Variants in STK35 observed in about 807,000 individuals in gnomAD.
The protein encoded by STK35 is serine/threonine kinase 35.
A neutral mutation model predicts 37.3 loss-of-function variants in STK35; 17 were observed. The observed-to-expected ratio is 0.46, with a 90% CI of 0.31 to 0.68. The LOEUF (loss-of-function observed/expected upper bound fraction) is 0.68. STK35 is among the 30% of genes least tolerant of loss of function. The probability of loss-of-function intolerance (pLI) is 0.05; values close to 1 mark genes in which losing one functional copy is unlikely to be tolerated. For synonymous variants in STK35, 385 were observed against 319.1 expected, an observed-to-expected ratio of 1.21 and a Z score of -2.20; for missense variants, 595 against 746.7, an observed-to-expected ratio of 0.80 and a Z score of 2.37.
chr20:2,109,651 G>T (rs1458897472), intron 2 of STK35, among the ~76,000 whole-genome samples: 2 of 152,222 alleles, frequency 1.3e-5, no homozygotes, highest in African/African-American at 2.4e-5. Flanking sequence ...TTGGACAGCT[G>T]CCAGTGGTGT....
chr20:2,116,204 G>A (rs1335154803), intron 2 of STK35, among the ~76,000 whole-genome samples: 8 of 152,116 alleles, frequency 5.3e-5, no homozygotes, highest in Admixed American at 5.2e-4. Flanking sequence ...AAATTCTAGT[G>A]CCATTCTAGG....
In STK35 at chr20:2,102,917, G is replaced by C; in HGVS notation, c.444G>C (p.Pro148=). Residue 148 remains proline (P), a synonymous_variant, in exon 2 of 4, where the codon CCG becomes CCC. Coordinates refer to ENST00000381482, the MANE Select transcript of STK35 (RefSeq NM_080836.4). ...KDGARRGTQS[P]ERKRRSPVPR... is the part of the protein sequence containing the mutation. Reference sequence around the variant, plus strand: ...GCGCCCGCAGAGGTACACAAAGCCCGGAGCGGAAAAGGCGAAGCCCAGTGC... The same window carrying C: ...GCGCCCGCAGAGGTACACAAAGCCCCGAGCGGAAAAGGCGAAGCCCAGTGC... 2 of 1,554,710 alleles carry C rather than the reference G, an allele frequency of 1.3e-6. No individual in the cohort carries two copies. The highest frequency in any genetic ancestry group is 1.2e-5 in the South Asian group (1 of 85,884).
intron 3 of STK35, among the ~76,000 whole-genome samples, chr20:2,125,469 T>A (rs1447224829): frequency 6.6e-6 from 1 of 152,244 alleles, no homozygotes; most frequent in Non-Finnish European, 1.5e-5. Flanking sequence ...TGAGACGAGA[T>A]GTATCTGTCT....
At chr20:2,127,826 A>C (rs1208711693) in intron 3 of STK35, among the ~76,000 whole-genome samples, 1 of 152,110 alleles carries the variant, frequency 6.6e-6, no homozygotes, top group African/African-American at 2.4e-5. Flanking sequence ...GATCATTGCC[A>C]TAGAGAGATC....
At chr20:2,103,473 T>TG in intron 2 of STK35, 108 bp downstream of exon 2, 8 of 1,053,506 alleles carry the variant, frequency 7.6e-6, no homozygotes, top group Non-Finnish European at 9.4e-6. Context: ...ACCTGGTCCC[T>TG]GTCACCCTGT....
At chr20:2,128,334 G>A (rs1483383078) in intron 3 of STK35, among the ~76,000 whole-genome samples, 4 of 152,158 alleles carry the variant, frequency 2.6e-5, no homozygotes, top group Non-Finnish European at 5.9e-5. Flanking sequence ...AATCGGGAGG[G>A]CCTGTAAGGT....
intron 2 of STK35, 112 bp downstream of exon 2, chr20:2,103,477 A>T: frequency 9.7e-7 from 1 of 1,035,792 alleles, no homozygotes; most frequent in South Asian, 1.6e-5. Context: ...GGTCCCTGTC[A>T]CCCTGTGCCC....
Position 2,144,307 on chromosome 20 carries a change from A to T in STK35, c.*561A>T. On this transcript the variant is annotated 3_prime_UTR_variant, in exon 4 of 4. Transcript: ENST00000381482. ...CCACGCCTCCCTACCAGATGCAGGA[A>T]CTCCTGGACTCCTTGGTGGGCTGGC... 2 of 184,840 alleles carry T rather than the reference A, an allele frequency of 1.1e-5. No individual in the cohort carries two copies. The highest frequency in any genetic ancestry group is 1.1e-5 in the Non-Finnish European group (1 of 88,904). 11.4% of individuals were successfully genotyped at this position (184,840 alleles called of 1,614,324 possible).
At chr20:2,141,823 T>C (rs1986176740) in intron 3 of STK35, among the ~76,000 whole-genome samples, 1 of 152,260 alleles carries the variant, frequency 6.6e-6, no homozygotes, top group Non-Finnish European at 1.5e-5. Flanking sequence ...TGTCATGCAA[T>C]GATCTCATTT....
intron 3 of STK35, among the ~76,000 whole-genome samples, chr20:2,141,680 TTTATTG>T (rs951243955): frequency 5.9e-5 from 9 of 152,218 alleles, no homozygotes; most frequent in African/African-American, 2.2e-4. Flanking sequence ...TGTTGGTGTA[TTTATTG>T]TCAGATTTTC....
In STK35 at chr20:2,102,130, T is replaced by C; in HGVS notation, c.249T>C (p.Ala83=). 7.1e-7 allele frequency: 1 copy of C among 1,402,516 alleles called. No individual in the cohort carries two copies. 86.9% of individuals were successfully genotyped at this position (1,402,516 alleles called of 1,614,324 possible). A position where few individuals can be genotyped will look rare whatever the true frequency, so the allele number is the denominator to read the frequency against. The change falls in exon 1 of 4, where the codon GCT becomes GCC. Residue 83 remains alanine, a synonymous_variant. Transcript: ENST00000381482. ...GPGADHPQAG[A]PGGKRAARKW... Reference sequence around the variant, plus strand: ...GAGCGGACCATCCCCAGGCAGGGGCTCCAGGGGGGAAACGGGCCGCCCGGA... The same window carrying C: ...GAGCGGACCATCCCCAGGCAGGGGCCCCAGGGGGGAAACGGGCCGCCCGGA...
chr20:2,138,265 A>T (rs551316172), intron 3 of STK35, among the ~76,000 whole-genome samples: 1 of 152,278 alleles, frequency 6.6e-6, no homozygotes, highest in African/African-American at 2.4e-5. Flanking sequence ...TAAATCTGAG[A>T]GTCAGGATAG....
chr20:2,102,054 C>A lies in STK35; in HGVS notation c.173C>A (p.Ala58Asp), dbSNP rs1169017337. 5 of 1,523,752 alleles carry A rather than the reference C, an allele frequency of 3.3e-6. No homozygotes were observed. Among genetic ancestry groups the A allele is most frequent in the African/African-American group, 1.4e-5 (1 of 71,948 alleles). 94.4% of individuals were successfully genotyped at this position (1,523,752 alleles called of 1,614,324 possible). A position where few individuals can be genotyped will look rare whatever the true frequency, so the allele number is the denominator to read the frequency against. ...GCAGAAGGATCCGCTACACGCCGGG[C>A]TCGGGCCGCCACCTCCCGCGCTGCT... ...AAAEGSATRR[A>D]RAATSRAARS... The change falls in exon 1 of 4, where the codon GCT becomes GAT. Residue 58 changes from alanine to aspartate, a missense_variant. Physicochemically the swap from Ala to Asp is moderately radical, Grantham distance 126. This residue lies in a region of STK35 where 389 missense variants were observed against 320.0 expected (regional missense o/e 1.22). Transcript: ENST00000381482.
intron 3 of STK35, among the ~76,000 whole-genome samples, chr20:2,143,274 C>T (rs1986200394): frequency 6.6e-6 from 1 of 152,114 alleles, no homozygotes; most frequent in Non-Finnish European, 1.5e-5. Context: ...TAGCCTGGTT[C>T]GGATTCTCAG....
At chr20:2,115,972 C>A (rs1205187898) in intron 2 of STK35, among the ~76,000 whole-genome samples, 1 of 151,204 alleles carries the variant, frequency 6.6e-6, no homozygotes, top group Admixed American at 6.6e-5. Flanking sequence ...GCCTCCGCTT[C>A]ACTGTTTGTA....
chr20:2,116,102 C>T (rs979500449), intron 2 of STK35, among the ~76,000 whole-genome samples: 3 of 152,110 alleles, frequency 2.0e-5, no homozygotes, highest in Admixed American at 2.0e-4. Context: ...TTGTGCTAGG[C>T]ATGTGGTGGG....
chr20:2,113,131 TTCAGTAATC>T (rs1414574831), intron 2 of STK35, among the ~76,000 whole-genome samples: 1 of 152,158 alleles, frequency 6.6e-6, no homozygotes, highest in Admixed American at 6.5e-5. Context: ...GGAACTTGTG[TTCAGTAATC>T]CCCTAAAGTT....
chr20:2,122,338 A>T (rs6137051), intron 3 of STK35, among the ~76,000 whole-genome samples: 1 of 152,306 alleles, frequency 6.6e-6, no homozygotes, highest in African/African-American at 2.4e-5. Flanking sequence ...TCTCAAAAAA[A>T]CAAAAAAACT....
chr20:2,125,815 G>T (rs1464429976), intron 3 of STK35, among the ~76,000 whole-genome samples: 1 of 152,196 alleles, frequency 6.6e-6, no homozygotes, highest in East Asian at 1.9e-4. Flanking sequence ...AGCCACATAT[G>T]CAGCCAGGTC....
Sources: gnomAD v4.1 joint callset for allele counts (sites outside exome capture counted in the v4.1 genomes callset) on GRCh38, gnomAD v4.1.1 for gene constraint, gnomAD v4.1.1 regional missense constraint, MANE v1.5 for transcripts, NCBI Gene and HGNC (gene_info 2026-07-23, HGNC 2026-07-21) for gene names.